Variants in GRK7 observed in about 807,000 individuals in gnomAD.
The protein encoded by GRK7 is G protein-coupled receptor kinase 7.
A neutral mutation model predicts 34.1 loss-of-function variants in GRK7; 24 were observed. The observed-to-expected ratio is 0.70, with a 90% CI of 0.51 to 0.99. The LOEUF (loss-of-function observed/expected upper bound fraction) is 0.99, where lower values mean the gene tolerates loss of function less well. GRK7 is among the 50% of genes least tolerant of loss of function. The pLI is 0.00. For synonymous variants in GRK7, 256 were observed against 279.4 expected, an observed-to-expected ratio of 0.92 and a Z score of 0.84; for missense variants, 644 against 707.3, an observed-to-expected ratio of 0.91 and a Z score of 1.02.
intron 1 of GRK7, among the ~76,000 whole-genome samples, chr3:141,767,629 G>T (rs2084595773): frequency 6.6e-6 from 1 of 152,030 alleles, no homozygotes; most frequent in Non-Finnish European, 1.5e-5. Flanking sequence ...TCAAACTCCT[G>T]ACCTCAGGCG....
At chr3:141,797,019 G>A (rs1258658755) in intron 4 of GRK7, among the ~76,000 whole-genome samples, 2 of 152,232 alleles carry the variant, frequency 1.3e-5, no homozygotes, top group African/African-American at 4.8e-5. Context: ...GGTTGAGTAA[G>A]CGGCTGTGGG....
intron 4 of GRK7, among the ~76,000 whole-genome samples, chr3:141,789,656 CAAA>C (rs60765509): frequency 3.4e-5 from 4 of 119,246 alleles, no homozygotes; most frequent in Admixed American, 8.2e-5. Context: ...GCCAAATGGG[CAAA>C]AAAAAAAAAA....
intron 4 of GRK7, among the ~76,000 whole-genome samples, chr3:141,783,171 C>T (rs917653328): frequency 2.0e-5 from 3 of 152,172 alleles, no homozygotes; most frequent in African/African-American, 7.2e-5. Context: ...TAGGAGCTTT[C>T]CCTGAAGCTC....
rs2084618576 is a variant in GRK7, at chr3:141,771,822, T to C, written c.-214-2758T>C. ...GTCTCAGCCTCCCAAGTAGCTGGGA[T>C]TACAGGCACCCACCACCATGCCCGG... On this transcript the variant is annotated intron_variant, in intron 1 of 5. Coordinates refer to ENST00000682958, the MANE Select transcript of GRK7 (RefSeq NM_139209.3). Among the ~76,000 whole-genome samples, 8 of 151,998 alleles carry C rather than the reference T, an allele frequency of 5.3e-5. No individual in the cohort carries two copies. In the South Asian group the frequency reaches 1.7e-3, roughly 32 times the overall value.
chr3:141,753,830 G>GCA, the GRK7 span, among the ~76,000 whole-genome samples: 1 of 152,126 alleles, frequency 6.6e-6, no homozygotes, highest in African/African-American at 2.4e-5. Context: ...AACATAATTG[G>GCA]TACAGTTTTC....
chr3:141,793,175 G>A (rs959867295), intron 4 of GRK7, among the ~76,000 whole-genome samples: 50 of 152,196 alleles, frequency 3.3e-4, no homozygotes, highest in Non-Finnish European at 1.5e-5. Context: ...TCTGTGAGCT[G>A]CTGTGGCAAA....
intron 4 of GRK7, 65 bp downstream of exon 4, chr3:141,780,876 T>C: frequency 7.1e-7 from 1 of 1,416,718 alleles, no homozygotes; most frequent in Admixed American, 2.3e-5. Context: ...AGAGGGCTTT[T>C]CTATTCCCAG....
intron 4 of GRK7, among the ~76,000 whole-genome samples, chr3:141,791,292 C>T (rs544879400): frequency 2.0e-5 from 3 of 152,164 alleles, no homozygotes; most frequent in African/African-American, 2.4e-5. Flanking sequence ...TTTTAAAAGA[C>T]CTCTGAACAT....
At chr3:141,809,585 C>G (rs938786754) in intron 5 of GRK7, among the ~76,000 whole-genome samples, 1 of 151,874 alleles carries the variant, frequency 6.6e-6, no homozygotes, top group Non-Finnish European at 1.5e-5. Context: ...GTAGTCCCAG[C>G]TACTCAAGAG....
intron 1 of GRK7, among the ~76,000 whole-genome samples, chr3:141,766,523 T>G (rs1470849047): frequency 6.6e-6 from 1 of 151,262 alleles, no homozygotes; most frequent in Non-Finnish European, 1.5e-5. Context: ...CGCCACCAAA[T>G]GTGAAAAAAA....
chr3:141,793,507 A>G (rs1484752190), intron 4 of GRK7, among the ~76,000 whole-genome samples: 1 of 152,248 alleles, frequency 6.6e-6, no homozygotes, highest in Non-Finnish European at 1.5e-5. Flanking sequence ...AGGACTGGGC[A>G]GAGAGAACCT....
chr3:141,815,481 T>G (rs1711142975), intron 5 of GRK7, among the ~76,000 whole-genome samples: 1 of 152,142 alleles, frequency 6.6e-6, no homozygotes, highest in African/African-American at 2.4e-5. Context: ...CCACTTTTTA[T>G]TTTGTTGCAA....
At chr3:141,808,606 G>A (rs766841180) in intron 5 of GRK7, among the ~76,000 whole-genome samples, 6 of 151,954 alleles carry the variant, frequency 3.9e-5, no homozygotes, top group Admixed American at 6.6e-5. Flanking sequence ...CCAACTACTC[G>A]GGAGGCTAAG....
the GRK7 span, among the ~76,000 whole-genome samples, chr3:141,753,921 G>A: frequency 6.6e-6 from 1 of 152,232 alleles, no homozygotes; most frequent in Non-Finnish European, 1.5e-5. Context: ...AACAGATAAT[G>A]TGGTGAAAGT....
In GRK7 at chr3:141,778,129, C is replaced by T. The variant is rs548619860; in HGVS notation, c.-113-43C>T. ...ATACATAGCCAGTCAAAGCTTCTTACAAGAGAAACCTCTTTCACACCCTCC... is the reference window on the plus strand; with the variant it reads ...ATACATAGCCAGTCAAAGCTTCTTATAAGAGAAACCTCTTTCACACCCTCC... On this transcript the variant is annotated intron_variant, in intron 2 of 5. Transcript: ENST00000682958. This position sits in a 1 kb window ranked among gnomAD's most constrained non-coding sequence, Gnocchi z 4.1. 7.8e-6 allele frequency: 7 copies of T among 896,244 alleles called. No individual in the cohort carries two copies. In the South Asian group the frequency reaches 1.4e-4, roughly 18 times the overall value. The allele number at this position is 896,244 out of a possible 1,614,324, so 55.5% of individuals were successfully genotyped here. A position where few individuals can be genotyped will look rare whatever the true frequency, so the allele number is the denominator to read the frequency against.
At position 141,763,858 on chromosome 3, in the gene GRK7, G is replaced by A. The variant is rs561276444; in HGVS notation, c.-2095G>A. 1.6e-4 allele frequency among the ~76,000 whole-genome samples: 25 copies of A among 151,770 alleles called. No homozygotes were observed. Among genetic ancestry groups the A allele is most frequent in the African/African-American group, 1.9e-4 (8 of 41,346 alleles). Reference sequence around the variant, plus strand: ...TATTTACACCAACAAAATTTCCTCCGTCCTCTTCCCTTCCCTACAAATTCC... The same window carrying A: ...TATTTACACCAACAAAATTTCCTCCATCCTCTTCCCTTCCCTACAAATTCC... On this transcript the variant is annotated 5_prime_UTR_variant, in exon 1 of 6. Transcript: ENST00000682958.
At position 141,778,425 on chromosome 3, in the gene GRK7, G is replaced by A. The variant is rs370871734; in HGVS notation, c.141G>A (p.Glu47=). 1.9e-5 allele frequency: 31 copies of A among 1,612,730 alleles called. No individual in the cohort carries two copies. Among genetic ancestry groups the A allele is most frequent in the Middle Eastern group, 1.6e-4 (1 of 6,084 alleles). ...TGCCCGGGCTGCAGGGCTGCGCGGA[G>A]CTCCGCCAGAAGCTGTCCCTGAACT... ...LALPGLQGCA[E]LRQKLSLNFH... The change falls in exon 3 of 6, where the codon GAG becomes GAA. Residue 47 remains glutamate (E), a synonymous_variant. Coordinates refer to ENST00000682958, the MANE Select transcript of GRK7 (RefSeq NM_139209.3). This position sits in a 1 kb window ranked among gnomAD's most constrained non-coding sequence, Gnocchi z 4.1.
the GRK7 span, among the ~76,000 whole-genome samples, chr3:141,751,268 C>T: frequency 6.6e-6 from 1 of 152,072 alleles, no homozygotes; most frequent in Admixed American, 6.6e-5. Context: ...TCTAGCTCTG[C>T]TTTTTCTACT....
intron 5 of GRK7, among the ~76,000 whole-genome samples, chr3:141,810,432 A>G (rs1711082606): frequency 9.2e-6 from 1 of 108,888 alleles, no homozygotes; most frequent in Non-Finnish European, 1.8e-5. Flanking sequence ...ATATGTGTAC[A>G]CTCACACATT....
Sources: allele counts gnomAD v4.1 joint callset (sites outside exome capture counted in the v4.1 genomes callset), GRCh38; gene constraint gnomAD v4.1.1; non-coding constraint Gnocchi (gnomAD v3.1); transcripts MANE v1.5; gene names NCBI Gene and HGNC (gene_info 2026-07-23, HGNC 2026-07-21).